Variants in TLK1 observed in about 807,000 individuals in gnomAD.
TLK1 encodes the protein serine/threonine-protein kinase tousled-like 1.
Under a neutral mutation model 105.3 loss-of-function variants are expected in TLK1, and 24 were observed. That is an observed-to-expected ratio of 0.23 (90% CI 0.17 to 0.32). The LOEUF (loss-of-function observed/expected upper bound fraction) is 0.32. TLK1 is among the 10% of genes least tolerant of loss of function. TLK1 has a pLI of 1.00. For missense variants in TLK1, 558 were observed against 910.5 expected (o/e 0.61, Z 4.98); for synonymous variants, 321 against 310.4 (o/e 1.03, Z -0.36).
At chr2:171,111,162 G>A (rs2105519679) in intron 2 of TLK1, among the ~76,000 whole-genome samples, 1 of 152,200 alleles carries the variant, frequency 6.6e-6, no homozygotes, top group Non-Finnish European at 1.5e-5. Context: ...AGGAGAATAT[G>A]AAGAAAGAAA....
intron 1 of TLK1, among the ~76,000 whole-genome samples, chr2:171,210,275 A>G (rs1447539067): frequency 2.6e-5 from 4 of 151,460 alleles, no homozygotes; most frequent in African/African-American, 9.7e-5. Context: ...TTCTTTTTTT[A>G]TTATTTTTTT....
chr2:171,055,794 G>A (rs1687473474), intron 6 of TLK1, among the ~76,000 whole-genome samples: 1 of 151,252 alleles, frequency 6.6e-6, no homozygotes, highest in Admixed American at 6.6e-5. Context: ...ACAAGAAGGG[G>A]ACACAAGACA....
intron 2 of TLK1, among the ~76,000 whole-genome samples, chr2:171,084,459 G>A (rs979842198): frequency 4.6e-5 from 7 of 152,126 alleles, no homozygotes; most frequent in Non-Finnish European, 8.8e-5. Context: ...AAAGAAGGGA[G>A]GGAACACAGC....
At position 171,074,642 on chromosome 2, in the gene TLK1, A is replaced by G. The variant is rs551236546; in HGVS notation, c.330+8139T>C. On this transcript the variant is annotated intron_variant, in intron 3 of 20. Coordinates refer to ENST00000431350, the MANE Select transcript of TLK1 (RefSeq NM_012290.5). ...ACTCTGCCTCAAAAAAAAAAAAAAAAAAAGAAAGAAAGAAAGAAGAAAAAA... is the reference window on the plus strand; with the variant it reads ...ACTCTGCCTCAAAAAAAAAAAAAAAGAAAGAAAGAAAGAAAGAAGAAAAAA... 1.8e-3 allele frequency among the ~76,000 whole-genome samples: 267 copies of G among 150,666 alleles called. 2 individuals carry two copies. The highest frequency in any genetic ancestry group is 3.9e-3 in the East Asian group (20 of 5,172).
intron 1 of TLK1, among the ~76,000 whole-genome samples, chr2:171,141,757 G>GA (rs1015935815): frequency 7.4e-5 from 11 of 149,036 alleles, no homozygotes; most frequent in African/African-American, 1.5e-4. Context: ...GAATAAAAAT[G>GA]AAAAAAAAGC....
chr2:171,057,887 T>G (rs1372552455), intron 5 of TLK1, among the ~76,000 whole-genome samples: 1 of 152,088 alleles, frequency 6.6e-6, no homozygotes, highest in Admixed American at 6.5e-5. Context: ...TTTCATCATC[T>G]GTAAACTGAA....
intron 1 of TLK1, among the ~76,000 whole-genome samples, chr2:171,195,241 C>T (rs55991728): frequency 0.13 from 19,486 of 152,108 alleles, 2,069 homozygotes; most frequent in African/African-American, 0.29. Context: ...CGGTGGCTCA[C>T]GCCTGTAATC....
intron 3 of TLK1, among the ~76,000 whole-genome samples, chr2:171,073,933 C>G (rs1443866879): frequency 6.9e-6 from 1 of 144,706 alleles, no homozygotes; most frequent in Non-Finnish European, 1.5e-5. Context: ...CTGTGTCACC[C>G]AGGCTGGAGT....
At chr2:171,001,720 C>A (rs1251384305) in intron 18 of TLK1, among the ~76,000 whole-genome samples, 1 of 152,186 alleles carries the variant, frequency 6.6e-6, no homozygotes, top group African/African-American at 2.4e-5. Flanking sequence ...CTTCTGTCTG[C>A]ATTAAATTAT....
At chr2:171,016,345 G>A (rs1685213260) in intron 12 of TLK1, among the ~76,000 whole-genome samples, 1 of 152,080 alleles carries the variant, frequency 6.6e-6, no homozygotes, top group Non-Finnish European at 1.5e-5. Flanking sequence ...TGTTGCCCAG[G>A]CTAGTCCTGA....
intron 1 of TLK1, among the ~76,000 whole-genome samples, chr2:171,226,922 A>G (rs570097964): frequency 6.6e-6 from 1 of 152,308 alleles, no homozygotes; most frequent in African/African-American, 2.4e-5. Context: ...ACATTCTCAA[A>G]CAGATTTACA....
At chr2:170,996,311 T>C (rs1443578938) in intron 20 of TLK1, among the ~76,000 whole-genome samples, 3 of 152,212 alleles carry the variant, frequency 2.0e-5, no homozygotes, top group Non-Finnish European at 4.4e-5. Flanking sequence ...ATTATTACTT[T>C]TAATATTTCT....
intron 1 of TLK1, among the ~76,000 whole-genome samples, chr2:171,148,429 T>C (rs1691881387): frequency 6.6e-6 from 1 of 152,010 alleles, no homozygotes; most frequent in Admixed American, 6.6e-5. Flanking sequence ...GGCATGCTGT[T>C]TGTCATTGTT....
intron 1 of TLK1, among the ~76,000 whole-genome samples, chr2:171,143,589 C>T (rs192691438): frequency 6.9e-4 from 84 of 121,814 alleles, no homozygotes; most frequent in African/African-American, 2.4e-3. Flanking sequence ...TAGAGCTATA[C>T]AGGACTAAAG....
intron 1 of TLK1, among the ~76,000 whole-genome samples, chr2:171,127,884 A>G (rs1022529474): frequency 6.6e-6 from 1 of 152,170 alleles, no homozygotes; most frequent in Admixed American, 6.5e-5. Context: ...ATATAGATAT[A>G]TATGTACTGC....
chr2:171,138,294 T>A (rs893765698), intron 1 of TLK1, among the ~76,000 whole-genome samples: 1 of 152,220 alleles, frequency 6.6e-6, no homozygotes, highest in Admixed American at 6.5e-5. Context: ...AATACTAATA[T>A]ACTTACAACG....
In TLK1 at chr2:170,993,118, A is replaced by G. The variant is rs1274712729; in HGVS notation, c.*662T>C. The G allele has an allele frequency of 2.0e-5, 3 of 151,760 alleles. No homozygotes were observed. Among genetic ancestry groups the G allele is most frequent in the Non-Finnish European group, 2.9e-5 (2 of 68,044 alleles). The allele number at this position is 151,760 out of a possible 1,614,324, so 9.4% of individuals were successfully genotyped here. A position where few individuals can be genotyped will look rare whatever the true frequency, so the allele number is the denominator to read the frequency against. ...TGTCAAAGGTGTAAAGTATTTAGAA[A>G]TAATAGCTCTCCCTTTAATATAACC... On this transcript the variant is annotated 3_prime_UTR_variant, in exon 21 of 21. Coordinates refer to ENST00000431350, the MANE Select transcript of TLK1 (RefSeq NM_012290.5).
In TLK1 at chr2:171,073,653, C is replaced by T. The variant is rs142862588; in HGVS notation, c.330+9128G>A. 1.1e-4 allele frequency among the ~76,000 whole-genome samples: 16 copies of T among 152,066 alleles called. 1 individual carries two copies. The East Asian group carries it at 2.5e-3, about 24-fold the overall frequency. On this transcript the variant is annotated intron_variant, in intron 3 of 20. Coordinates refer to ENST00000431350, the MANE Select transcript of TLK1 (RefSeq NM_012290.5). Reference sequence around the variant, plus strand: ...GGACTCACTTCCTTTGCTATGAACCCGGTTAATACAATATATTTTAGTGTC... The same window carrying T: ...GGACTCACTTCCTTTGCTATGAACCTGGTTAATACAATATATTTTAGTGTC...
chr2:171,226,455 A>G (rs1693897979), intron 1 of TLK1, among the ~76,000 whole-genome samples: 1 of 152,188 alleles, frequency 6.6e-6, no homozygotes, highest in South Asian at 2.1e-4. Flanking sequence ...TGAAAACCCC[A>G]TAAGAAACAG....
Sources: gnomAD v4.1 joint callset for allele counts (sites outside exome capture counted in the v4.1 genomes callset) on GRCh38, gnomAD v4.1.1 for gene constraint, MANE v1.5 for transcripts, NCBI Gene and HGNC (gene_info 2026-07-23, HGNC 2026-07-21) for gene names.